Variants in FOXP2 observed in about 807,000 individuals in gnomAD.
FOXP2 encodes forkhead box protein P2.
FOXP2 carries 12 observed loss-of-function variants against 115.8 expected under a neutral mutation model. The observed-to-expected ratio is 0.10, with a 90% CI of 0.07 to 0.17. The LOEUF (loss-of-function observed/expected upper bound fraction) is 0.17, where lower values mean the gene tolerates loss of function less well. Ranked by LOEUF, FOXP2 falls within the 10% of genes least tolerant of loss-of-function variation. The pLI, the probability that FOXP2 is intolerant of heterozygous loss-of-function variation, is 1.00. For synonymous variants in FOXP2, 328 were observed against 297.7 expected (o/e 1.10, Z -1.05); for missense variants, 629 against 843.5 (o/e 0.75, Z 3.15).
intron 2 of FOXP2, among the ~76,000 whole-genome samples, chr7:114,459,807 G>A (rs2129223994): frequency 6.6e-6 from 1 of 152,176 alleles, no homozygotes; most frequent in East Asian, 1.9e-4. Context: ...GGAGAGACAG[G>A]GATTCACCAT....
intron 1 of FOXP2, among the ~76,000 whole-genome samples, chr7:114,241,553 G>C (rs1287389658): frequency 6.6e-6 from 1 of 151,870 alleles, no homozygotes; most frequent in African/African-American, 2.4e-5. Flanking sequence ...CCTTCATATG[G>C]GTAGTATTTT....
intron 1 of FOXP2, among the ~76,000 whole-genome samples, chr7:114,262,816 A>G (rs1318934089): frequency 6.6e-6 from 1 of 152,078 alleles, no homozygotes; most frequent in Admixed American, 6.5e-5. Context: ...GTCTTCTTTC[A>G]TCCTTGTTGA....
chr7:114,679,674 C>T (rs926969924), intron 16 of FOXP2, among the ~76,000 whole-genome samples: 3 of 152,020 alleles, frequency 2.0e-5, no homozygotes, highest in Non-Finnish European at 4.4e-5. Context: ...AACATGTCTA[C>T]GATTCTCCAT....
chr7:114,637,762 C>T (rs1239810733), intron 6 of FOXP2, among the ~76,000 whole-genome samples: 2 of 152,022 alleles, frequency 1.3e-5, no homozygotes, highest in African/African-American at 4.8e-5. Flanking sequence ...TGGGGTGACC[C>T]TCAGAAGGAG....
upstream of FOXP2, among the ~76,000 whole-genome samples, chr7:114,410,811 C>A (rs1793143845): frequency 6.6e-6 from 1 of 151,928 alleles, no homozygotes; most frequent in South Asian, 2.1e-4. Context: ...CTCTGAAATA[C>A]CCCTCTCAAT....
chr7:114,385,463 C>T (rs541230396), intron 2 of FOXP2, among the ~76,000 whole-genome samples: 4 of 152,276 alleles, frequency 2.6e-5, no homozygotes, highest in East Asian at 1.9e-4. Context: ...TGATCTCAGC[C>T]GGCTACTGCC....
chr7:114,414,776 A>T (rs1793259189), upstream of FOXP2: 3 of 289,934 alleles, frequency 1.0e-5, no homozygotes, highest in Admixed American at 1.3e-4. Flanking sequence ...GTATAATGGT[A>T]AGCTTGTCCT....
At chr7:114,338,759 C>CACACA (rs1461928447) in intron 2 of FOXP2, among the ~76,000 whole-genome samples, 4 of 147,862 alleles carry the variant, frequency 2.7e-5, no homozygotes, top group Non-Finnish European at 6.0e-5. Context: ...CACACACACA[C>CACACA]ACACACACAC....
chr7:114,443,898 T>C (rs1794718952), intron 2 of FOXP2, among the ~76,000 whole-genome samples: 1 of 152,310 alleles, frequency 6.6e-6, no homozygotes, highest in South Asian at 2.1e-4. Context: ...TGCATGTTTC[T>C]TTATGGCAGA....
chr7:114,274,381 C>T lies in FOXP2; in HGVS notation c.-101-13638C>T, dbSNP rs527857274. Among the ~76,000 whole-genome samples the T allele has an allele frequency of 1.8e-4, 27 of 152,056 alleles. 1 individual carries two copies. Among genetic ancestry groups the T allele is most frequent in the Admixed American group, 1.7e-3 (26 of 15,242 alleles). On this transcript the variant is annotated intron_variant, in intron 1 of 17. Transcript: ENST00000634411. ...AAAATAAAAGTTTTAATTTTACCTT[C>T]TCTTATTCCTTCTATTATCCTCTTC... is the stretch of plus-strand genomic sequence containing the variant.
At chr7:114,618,540 C>G (rs1804070620) in intron 3 of FOXP2, among the ~76,000 whole-genome samples, 1 of 152,154 alleles carries the variant, frequency 6.6e-6, no homozygotes, top group African/African-American at 2.4e-5. Context: ...CATACTTCCT[C>G]AGACAAGGTT....
chr7:114,132,582 T>TGTGTGAGA lies in FOXP2; in HGVS notation c.-246-30361_-246-30360insTGTGAGAG, dbSNP rs1554419465. 1.3e-4 allele frequency among the ~76,000 whole-genome samples: 7 copies of TGTGTGAGA among 55,998 alleles called. 1 individual carries two copies. Among genetic ancestry groups the TGTGTGAGA allele is most frequent in the African/African-American group, 5.5e-4 (7 of 12,736 alleles). The allele number at this position is 55,998 out of a possible 152,430, so 36.7% of individuals were successfully genotyped here. ...GTGTGTGTGTGTGTGTGTGTGTGTGTGAGAGAGAGAGAGAGAGAGAGAGAG... is the reference window on the plus strand; with the variant it reads ...GTGTGTGTGTGTGTGTGTGTGTGTGTGTGTGAGAGAGAGAGAGAGAGAGAGAGAGAGAG... On this transcript the variant is annotated intron_variant, in intron 1 of 19. Coordinates refer to the FOXP2 transcript ENST00000635638.
intron 1 of FOXP2, among the ~76,000 whole-genome samples, chr7:114,253,657 C>T (rs968994886): frequency 1.1e-4 from 16 of 151,790 alleles, no homozygotes; most frequent in African/African-American, 3.9e-4. Flanking sequence ...AGATCTTCCT[C>T]CATCCCTTTA....
chr7:114,119,883 G>C (rs760001482), intron 1 of FOXP2, among the ~76,000 whole-genome samples: 1 of 152,082 alleles, frequency 6.6e-6, no homozygotes, highest in Non-Finnish European at 1.5e-5. Context: ...ATTGCCCCCA[G>C]AAATTCTCAT....
chr7:114,545,828 A>G (rs1461728289), intron 3 of FOXP2, among the ~76,000 whole-genome samples: 2 of 152,154 alleles, frequency 1.3e-5, no homozygotes, highest in Non-Finnish European at 2.9e-5. Flanking sequence ...TTAAATTTCA[A>G]TTGTGTGTCA....
intron 2 of FOXP2, among the ~76,000 whole-genome samples, chr7:114,374,589 G>T (rs1792095475): frequency 6.6e-6 from 1 of 152,156 alleles, no homozygotes; most frequent in Non-Finnish European, 1.5e-5. Context: ...CTTGTATCCA[G>T]CGGAATTAAG....
intron 3 of FOXP2, among the ~76,000 whole-genome samples, chr7:114,582,620 A>G (rs1801925908): frequency 6.6e-6 from 1 of 152,194 alleles, no homozygotes; most frequent in African/African-American, 2.4e-5. Flanking sequence ...GAGTTGATGG[A>G]TTAGCATAAA....
At position 114,312,972 on chromosome 7, in the gene FOXP2, G is replaced by T. The variant is rs968304387; in HGVS notation, c.-11+24863G>T. Among the ~76,000 whole-genome samples, 8 of 152,276 alleles carry T rather than the reference G, an allele frequency of 5.3e-5. No homozygotes were observed. The East Asian group carries it at 1.4e-3, about 26-fold the overall frequency. ...AGACCCATGGAGAACCCATCAAAAG[G>T]TCTTTATAGAGTTGCACTTCCTGCC... On this transcript the variant is annotated intron_variant, in intron 2 of 17. Coordinates refer to the FOXP2 transcript ENST00000634411.
chr7:114,377,411 G>C (rs936010433), intron 2 of FOXP2, among the ~76,000 whole-genome samples: 1 of 152,154 alleles, frequency 6.6e-6, no homozygotes, highest in Non-Finnish European at 1.5e-5. Context: ...TTCTGGGGAG[G>C]TAATAGAAAA....
Sources: gnomAD v4.1 joint callset for allele counts (sites outside exome capture counted in the v4.1 genomes callset) on GRCh38, gnomAD v4.1.1 for gene constraint, MANE v1.5 for transcripts, NCBI Gene and HGNC (gene_info 2026-07-23, HGNC 2026-07-21) for gene names.